Variants in GBE1 observed in about 807,000 individuals in gnomAD.
GBE1 encodes 1,4-alpha-glucan-branching enzyme.
GBE1 carries 70 observed loss-of-function variants against 88.8 expected under a neutral mutation model. The observed-to-expected ratio is 0.79, with a 90% CI of 0.65 to 0.96. The LOEUF is 0.96. Among genes scored for constraint, GBE1 ranks in the 40% least tolerant of loss-of-function variants. The pLI is 0.00. For synonymous variants in GBE1, 284 were observed against 300.1 expected (o/e 0.95, Z 0.56); for missense variants, 872 against 871.0 (o/e 1.00, Z -0.01).
chr3:81,761,561 G>A lies in GBE1; in HGVS notation c.-44C>T. ...TAGCCGAGGCCCGAGAGGTCGAGTG[G>A]GGCCTGAGCGGGCGCTGGAGCTCTA... is the stretch of plus-strand genomic sequence containing the variant. On this transcript the variant is annotated 5_prime_UTR_variant, in exon 1 of 16. Transcript: ENST00000429644. 1 of 1,565,816 alleles carries A rather than the reference G, an allele frequency of 6.4e-7. No homozygotes were observed.
At chr3:81,655,994 T>A (rs1411024581) in intron 3 of GBE1, among the ~76,000 whole-genome samples, 1 of 152,220 alleles carries the variant, frequency 6.6e-6, no homozygotes, top group African/African-American at 2.4e-5. Context: ...TTTGTTTTGT[T>A]TTGTTTAAAA....
intron 7 of GBE1, among the ~76,000 whole-genome samples, chr3:81,632,611 G>A (rs936305455): frequency 1.3e-5 from 2 of 152,106 alleles, no homozygotes; most frequent in African/African-American, 2.4e-5. Context: ...GTTGGTGGGG[G>A]TGTAAATTAG....
At chr3:81,743,348 G>A (rs1294535343) in intron 1 of GBE1, among the ~76,000 whole-genome samples, 1 of 151,980 alleles carries the variant, frequency 6.6e-6, no homozygotes. Flanking sequence ...TATGAACACT[G>A]AAGAAACTAC....
chr3:81,541,463 C>T (rs1380353221), intron 12 of GBE1, among the ~76,000 whole-genome samples: 1 of 148,184 alleles, frequency 6.7e-6, no homozygotes, highest in Admixed American at 6.7e-5. Context: ...CCCCCCGCCA[C>T]CTCGCCCAAA....
chr3:81,705,908 C>A (rs1705769876), intron 1 of GBE1, among the ~76,000 whole-genome samples: 1 of 152,034 alleles, frequency 6.6e-6, no homozygotes, highest in Admixed American at 6.6e-5. Context: ...AGCATTATAG[C>A]AACTTCCATG....
At chr3:81,657,147 AAC>A (rs1178468210) in intron 3 of GBE1, among the ~76,000 whole-genome samples, 4 of 150,302 alleles carry the variant, frequency 2.7e-5, no homozygotes, top group East Asian at 2.0e-4. Flanking sequence ...AAAAAAAAAA[AAC>A]AAAACAAAAA....
chr3:81,563,514 C>A (rs182030579), intron 12 of GBE1, among the ~76,000 whole-genome samples: 1 of 151,960 alleles, frequency 6.6e-6, no homozygotes, highest in East Asian at 1.9e-4. Flanking sequence ...AGATGTAACA[C>A]CAAATTACAG....
rs553712949 is a variant in GBE1 at position 81,722,896 on chromosome 3, G to GTATATA, written c.144-17289_144-17284dup. On this transcript the variant is annotated intron_variant, in intron 1 of 15. Transcript: ENST00000429644. ...CACACACACGTGTGTGTGTGTGTGT[G>GTATATA]TATATATATATATATATATACACAC... 7.9e-3 allele frequency among the ~76,000 whole-genome samples: 1,062 copies of GTATATA among 135,276 alleles called. 11 individuals carry two copies. Among genetic ancestry groups the GTATATA allele is most frequent in the African/African-American group, 0.026 (963 of 36,370 alleles). 88.7% of individuals were successfully genotyped at this position (135,276 alleles called of 152,430 possible). A position where few individuals can be genotyped will look rare whatever the true frequency, so the allele number is the denominator to read the frequency against.
At chr3:81,721,979 C>A (rs1288598812) in intron 1 of GBE1, among the ~76,000 whole-genome samples, 1 of 152,148 alleles carries the variant, frequency 6.6e-6, no homozygotes, top group East Asian at 1.9e-4. Context: ...GGGCACTCAG[C>A]AAGTTATTAG....
intron 1 of GBE1, among the ~76,000 whole-genome samples, chr3:81,738,102 A>G (rs1575772294): frequency 6.6e-6 from 1 of 151,646 alleles, no homozygotes; most frequent in Admixed American, 6.6e-5. Flanking sequence ...TTATGGCTGC[A>G]TAGTATTCCA....
Position 81,490,331 on chromosome 3 carries a change from G to T in GBE1, c.*76C>A. The T allele has an allele frequency of 8.4e-7, 1 of 1,190,516 alleles. No individual in the cohort carries two copies. The highest frequency in any genetic ancestry group is 1.3e-6 in the Non-Finnish European group (1 of 794,552). 73.7% of individuals were successfully genotyped at this position (1,190,516 alleles called of 1,614,324 possible). A position where few individuals can be genotyped will look rare whatever the true frequency, so the allele number is the denominator to read the frequency against. On this transcript the variant is annotated 3_prime_UTR_variant, in exon 16 of 16. Transcript: ENST00000429644. Reference sequence around the variant, plus strand: ...CAACTGTATTCTGAAAAGCATACATGTTATAAGCTGTGTGACAGTGATAAC... The same window carrying T: ...CAACTGTATTCTGAAAAGCATACATTTTATAAGCTGTGTGACAGTGATAAC...
intron 1 of GBE1, among the ~76,000 whole-genome samples, chr3:81,744,419 T>C (rs1706395599): frequency 6.6e-6 from 1 of 152,180 alleles, no homozygotes; most frequent in African/African-American, 2.4e-5. Flanking sequence ...ATATTACATT[T>C]CTATTGGATA....
intron 14 of GBE1, among the ~76,000 whole-genome samples, chr3:81,530,537 T>A (rs1042020922): frequency 6.6e-6 from 1 of 152,102 alleles, no homozygotes; most frequent in East Asian, 2.0e-4. Context: ...TGCAGTGGTA[T>A]CCGTATTAAG....
chr3:81,737,408 T>TATATATATTTATATATATAAATATATAA (rs1706281087), intron 1 of GBE1, among the ~76,000 whole-genome samples: 1 of 32,560 alleles, frequency 3.1e-5, no homozygotes, highest in African/African-American at 1.9e-4. Context: ...TATATTTTTA[T>TATATATATTTATATATATAAATATATAA]ATATTTATAT....
chr3:81,637,722 G>T (rs979449261), intron 7 of GBE1, among the ~76,000 whole-genome samples: 1 of 151,838 alleles, frequency 6.6e-6, no homozygotes, highest in African/African-American at 2.4e-5. Flanking sequence ...TTCATGTCAT[G>T]GTTGCTTAGT....
At chr3:81,620,037 T>G (rs926056781) in intron 7 of GBE1, among the ~76,000 whole-genome samples, 2 of 152,056 alleles carry the variant, frequency 1.3e-5, no homozygotes, top group African/African-American at 4.8e-5. Context: ...ATTAATTTAT[T>G]TAAAAATAAA....
At chr3:81,673,135 G>C (rs1435574023) in intron 2 of GBE1, among the ~76,000 whole-genome samples, 4 of 151,656 alleles carry the variant, frequency 2.6e-5, no homozygotes, top group Non-Finnish European at 5.9e-5. Flanking sequence ...CCAAAACAAA[G>C]AGTTTAGTCC....
At chr3:81,581,039 A>G in intron 11 of GBE1, 126 bp downstream of exon 11, 1 of 604,084 alleles carries the variant, frequency 1.7e-6, no homozygotes. Context: ...ACACACACAT[A>G]CACACATTAT....
At chr3:81,673,031 T>C (rs1705209632) in intron 2 of GBE1, among the ~76,000 whole-genome samples, 2 of 151,912 alleles carry the variant, frequency 1.3e-5, no homozygotes, top group African/African-American at 4.8e-5. Flanking sequence ...CAGTTTATCT[T>C]CAAGGGCAGC....
Sources: gnomAD v4.1 joint callset for allele counts (sites outside exome capture counted in the v4.1 genomes callset) on GRCh38, gnomAD v4.1.1 for gene constraint, MANE v1.5 for transcripts, NCBI Gene and HGNC (gene_info 2026-07-23, HGNC 2026-07-21) for gene names.